Variants in BACE1 observed in about 807,000 individuals in gnomAD.
The protein encoded by BACE1 is APP beta-secretase.
Under a neutral mutation model 54.0 loss-of-function variants are expected in BACE1, and 21 were observed. The observed-to-expected ratio is 0.39, with a 90% CI of 0.28 to 0.56. BACE1 has a LOEUF of 0.56. BACE1 is among the 20% of genes least tolerant of loss of function. The probability of loss-of-function intolerance (pLI) is 0.63; values close to 1 mark genes in which losing one functional copy is unlikely to be tolerated. For synonymous variants in BACE1, 232 were observed against 260.9 expected (o/e 0.89, Z 1.07); for missense variants, 511 against 661.2 (o/e 0.77, Z 2.49).
At chr11:117,290,746 A>G in intron 7 of BACE1, 87 bp from the exon 8 acceptor site, 1 of 1,567,854 alleles carries the variant, frequency 6.4e-7, no homozygotes, top group African/African-American at 1.4e-5. Context: ...CCTTCCCTTT[A>G]CCATCCCTGA....
Position 117,289,592 on chromosome 11 carries a change from C to G in BACE1, c.1480G>C (p.Ala494Pro). 6.2e-7 allele frequency: 1 copy of G among 1,614,174 alleles called. No homozygotes were observed. Among genetic ancestry groups the G allele is most frequent in the African/African-American group, 1.3e-5 (1 of 75,030 alleles). Residue 494 changes from alanine (A) to proline (P), a missense_variant, in exon 9 of 9, where the codon GCT becomes CCT. Coordinates refer to ENST00000313005, the MANE Select transcript of BACE1 (RefSeq NM_012104.6). ...RCLRQQHDDF[A>P]DDISLLK is the part of the protein sequence containing the mutation. ...CACTTCAGCAGGGAGATGTCATCAGCAAAGTCATCATGCTGCTGGCGCAGG... is the reference window on the plus strand; with the variant it reads ...CACTTCAGCAGGGAGATGTCATCAGGAAAGTCATCATGCTGCTGGCGCAGG...
At chr11:117,310,446 T>A (rs925042773) in intron 1 of BACE1, among the ~76,000 whole-genome samples, 1 of 152,132 alleles carries the variant, frequency 6.6e-6, no homozygotes, top group Non-Finnish European at 1.5e-5. Flanking sequence ...AAGTTTTGTT[T>A]GTTTGAGACA....
At chr11:117,311,501 C>T (rs2034942341) in intron 1 of BACE1, among the ~76,000 whole-genome samples, 1 of 152,166 alleles carries the variant, frequency 6.6e-6, no homozygotes, top group African/African-American at 2.4e-5. Flanking sequence ...TTCCCACCTG[C>T]CCTGGCACGT....
At chr11:117,301,621 G>C (rs1489233732) in intron 1 of BACE1, among the ~76,000 whole-genome samples, 3 of 151,046 alleles carry the variant, frequency 2.0e-5, no homozygotes, top group Non-Finnish European at 4.4e-5. Context: ...AAAAAAAAAA[G>C]GTCAAATTCA....
At position 117,286,381 on chromosome 11, in the gene BACE1, A is replaced by G. The variant is rs1018716982; in HGVS notation, c.*3185T>C. 1 of 152,158 alleles carries G rather than the reference A, an allele frequency of 6.6e-6. No homozygotes were observed. The highest frequency in any genetic ancestry group is 1.5e-5 in the Non-Finnish European group (1 of 68,020). 9.4% of individuals were successfully genotyped at this position (152,158 alleles called of 1,614,324 possible). A position where few individuals can be genotyped will look rare whatever the true frequency, so the allele number is the denominator to read the frequency against. On this transcript the variant is annotated 3_prime_UTR_variant, in exon 9 of 9. Transcript: ENST00000313005. ...CTATTAGAGCTTTGAATCTTTTCCT[A>G]TCCTTTTATCTTTACTCCTACAGGG...
In BACE1 at chr11:117,293,300, G is replaced by T; in HGVS notation, c.706-112C>A. 1 of 1,134,742 alleles carries T rather than the reference G, an allele frequency of 8.8e-7. No homozygotes were observed. Among genetic ancestry groups the T allele is most frequent in the Non-Finnish European group, 1.2e-6 (1 of 804,538 alleles). 70.3% of individuals were successfully genotyped at this position (1,134,742 alleles called of 1,614,324 possible). ...CTTGGGGTGGCAAGGTCTTCTACAG[G>T]CTACCCTTTTCATCTTCCTGCTTCT... is the stretch of plus-strand genomic sequence containing the variant. On this transcript the variant is annotated intron_variant, in intron 4 of 8. Transcript: ENST00000313005. The surrounding 1 kb of genome is among the most constrained non-coding windows in gnomAD (Gnocchi z 4.1).
intron 1 of BACE1, among the ~76,000 whole-genome samples, chr11:117,312,399 T>G (rs535618138): frequency 3.9e-5 from 6 of 152,342 alleles, no homozygotes; most frequent in African/African-American, 1.4e-4. Context: ...CTTTCCTGGA[T>G]GAGTTTATCA....
chr11:117,308,965 A>T (rs1279658664), intron 1 of BACE1, among the ~76,000 whole-genome samples: 1 of 152,032 alleles, frequency 6.6e-6, no homozygotes, highest in East Asian at 1.9e-4. Context: ...ACAAACAAAC[A>T]AACAAAAAAA....
chr11:117,294,655 G>A (rs1278834751), intron 3 of BACE1, among the ~76,000 whole-genome samples: 1 of 151,814 alleles, frequency 6.6e-6, no homozygotes, highest in African/African-American at 2.4e-5. Context: ...AGGCCGAGGT[G>A]AGCGGATCAC....
intron 1 of BACE1, among the ~76,000 whole-genome samples, chr11:117,307,575 G>T (rs1328142844): frequency 6.6e-6 from 1 of 152,206 alleles, no homozygotes; most frequent in African/African-American, 2.4e-5. Context: ...GCCTCCCAAA[G>T]TGCTGGGATT....
Position 117,293,093 on chromosome 11 carries a change from C to T in BACE1, c.801G>A (p.Val267=), listed in dbSNP as rs1591855875. The T allele has an allele frequency of 1.9e-6, 3 of 1,613,978 alleles. No individual in the cohort carries two copies. Among genetic ancestry groups the T allele is most frequent in the Non-Finnish European group, 2.5e-6 (3 of 1,180,026 alleles). Residue 267 remains valine (V), a synonymous_variant, in exon 5 of 9, where the codon GTG becomes GTA. Transcript: ENST00000313005. The surrounding 1 kb of genome is among the most constrained non-coding windows in gnomAD (Gnocchi z 4.1). ...EWYYEVIIVR[V]EINGQDLKMD... ...TTTTCAGATCCTGTCCATTGATCTC[C>T]ACCCGCACAATGATCACCTCATAAT... is the stretch of plus-strand genomic sequence containing the variant.
intron 6 of BACE1, 82 bp downstream of exon 6, chr11:117,291,630 G>A: frequency 9.9e-7 from 1 of 1,008,018 alleles, no homozygotes; most frequent in Non-Finnish European, 1.6e-6. Context: ...CAGACATCTT[G>A]GCTGTTGCTG....
chr11:117,291,865 C>G, intron 5 of BACE1, 52 bp from the exon 6 acceptor site: 2 of 1,423,192 alleles, frequency 1.4e-6, no homozygotes, highest in Non-Finnish European at 2.0e-6. Flanking sequence ...TGATGCTGGG[C>G]TCTGGGCAGT....
intron 1 of BACE1, among the ~76,000 whole-genome samples, chr11:117,312,364 C>T (rs2034964590): frequency 6.6e-6 from 1 of 152,238 alleles, no homozygotes; most frequent in Non-Finnish European, 1.5e-5. Flanking sequence ...CAAGACCATG[C>T]TCAGAGCACA....
At chr11:117,296,736 CTT>C (rs1233855148) in intron 2 of BACE1, 135 bp downstream of exon 2, 112 of 658,766 alleles carry the variant, frequency 1.7e-4, no homozygotes, top group Non-Finnish European at 6.9e-5. Context: ...TGGTCACTGT[CTT>C]TTTTTCGCCC....
rs1018454336 is a variant in BACE1, at chr11:117,293,855, C to T, written c.705+16G>A. 6 of 1,606,016 alleles carry T rather than the reference C, an allele frequency of 3.7e-6. No individual in the cohort carries two copies. The highest frequency in any genetic ancestry group is 5.1e-6 in the Non-Finnish European group (6 of 1,176,296). On this transcript the variant is annotated intron_variant, in intron 4 of 8. Transcript: ENST00000313005. The surrounding 1 kb of genome is among the most constrained non-coding windows in gnomAD (Gnocchi z 4.1). ...CCCTCAATGCCAGGACCTCCCCTCT[C>T]TGAGGACCTACTCACCATGCTCCCT...
At chr11:117,299,570 G>A (rs1268093681) in intron 1 of BACE1, 1 of 331,964 alleles carries the variant, frequency 3.0e-6, no homozygotes, top group African/African-American at 2.3e-5. Context: ...CCGGCCCTCA[G>A]ACCTTGTCTC....
intron 1 of BACE1, among the ~76,000 whole-genome samples, chr11:117,299,113 T>G (rs971766570): frequency 6.6e-6 from 1 of 152,178 alleles, no homozygotes; most frequent in South Asian, 2.1e-4. Flanking sequence ...GCATCACTTC[T>G]CCTTGGCCCT....
Position 117,293,242 on chromosome 11 carries a change from C to A in BACE1, c.706-54G>T, listed in dbSNP as rs1006218731. ...GTCCTGGCACAGAAGGAGAGTGAGT[C>A]CCCCAAGGACCAAGCAATAAGATCA... On this transcript the variant is annotated intron_variant, in intron 4 of 8. Transcript: ENST00000313005. This position sits in a 1 kb window ranked among gnomAD's most constrained non-coding sequence, Gnocchi z 4.1. 2 of 1,583,940 alleles carry A rather than the reference C, an allele frequency of 1.3e-6. No individual in the cohort carries two copies. The highest frequency in any genetic ancestry group is 2.3e-5 in the South Asian group (2 of 86,520).
Sources: gnomAD v4.1 joint callset for allele counts (sites outside exome capture counted in the v4.1 genomes callset) on GRCh38, gnomAD v4.1.1 for gene constraint, Gnocchi (gnomAD v3.1) non-coding constraint, MANE v1.5 for transcripts, NCBI Gene and HGNC (gene_info 2026-07-23, HGNC 2026-07-21) for gene names.